Variants in ENOX1 observed in about 807,000 individuals in gnomAD.
ENOX1 encodes the protein ecto-NOX disulfide-thiol exchanger 1, also known as candidate growth-related and time keeping constitutive hydroquinone (NADH) oxidase.
A neutral mutation model predicts 82.5 loss-of-function variants in ENOX1; 42 were observed. The ratio of observed to expected loss-of-function variants is 0.51; its 90% confidence interval spans 0.40 to 0.66. The LOEUF (loss-of-function observed/expected upper bound fraction) is 0.66, where lower values mean the gene tolerates loss of function less well. Ranked by LOEUF, ENOX1 falls within the 30% of genes least tolerant of loss-of-function variation. ENOX1 has a pLI of 0.00. For missense variants in ENOX1, 608 were observed against 811.6 expected, an observed-to-expected ratio of 0.75 and a Z score of 3.05; for synonymous variants, 271 against 282.2, an observed-to-expected ratio of 0.96 and a Z score of 0.40.
intron 1 of ENOX1, among the ~76,000 whole-genome samples, chr13:43,753,616 G>A (rs543045221): frequency 2.6e-5 from 4 of 152,234 alleles, no homozygotes; most frequent in African/African-American, 4.8e-5. Context: ...GGAAAGACAC[G>A]CTGTGGAAAC....
chr13:43,432,587 G>C (rs913608753), intron 3 of ENOX1, among the ~76,000 whole-genome samples: 2 of 152,136 alleles, frequency 1.3e-5, no homozygotes, highest in Non-Finnish European at 2.9e-5. Flanking sequence ...AGGTTGCAGT[G>C]AGCTGAGATT....
chr13:43,377,401 T>A (rs1163330392), intron 5 of ENOX1, among the ~76,000 whole-genome samples: 1 of 152,160 alleles, frequency 6.6e-6, no homozygotes, highest in African/African-American at 2.4e-5. Flanking sequence ...GCCAAATAAA[T>A]CTCTTTTCTT....
chr13:43,311,895 T>C (rs2047222744), intron 11 of ENOX1, among the ~76,000 whole-genome samples: 1 of 152,206 alleles, frequency 6.6e-6, no homozygotes, highest in Admixed American at 6.5e-5. Context: ...AATGGATGGC[T>C]TTAGGAGGCT....
At chr13:43,731,762 C>T (rs530228585) in intron 1 of ENOX1, among the ~76,000 whole-genome samples, 8 of 152,146 alleles carry the variant, frequency 5.3e-5, no homozygotes, top group South Asian at 4.1e-4. Context: ...TATTTTTAAG[C>T]GAAAAAGAAC....
rs1566640944 is a variant in ENOX1 at position 43,616,129 on chromosome 13, TCTATCTATCTAGATATCTATATAG to T, written c.-219+51326_-219+51349del. Reference sequence around the variant, plus strand: ...ATAGATATCTATAGATCTATAGATATCTATCTATCTAGATATCTATATAGATAGATATCTATCTATCTATCTATC... The same window carrying T: ...ATAGATATCTATAGATCTATAGATATATAGATATCTATCTATCTATCTATC... On this transcript the variant is annotated intron_variant, in intron 2 of 16. Coordinates refer to ENST00000690772, the MANE Select transcript of ENOX1 (RefSeq NM_001347969.2). 1.7e-4 allele frequency among the ~76,000 whole-genome samples: 11 copies of T among 63,412 alleles called. 1 individual carries two copies. Among genetic ancestry groups the T allele is most frequent in the South Asian group, 4.3e-4 (1 of 2,348 alleles). 41.6% of individuals were successfully genotyped at this position (63,412 alleles called of 152,430 possible).
At chr13:43,555,570 T>A (rs1197984703) in intron 2 of ENOX1, among the ~76,000 whole-genome samples, 2 of 152,204 alleles carry the variant, frequency 1.3e-5, no homozygotes, top group African/African-American at 2.4e-5. Flanking sequence ...CAGAAGCTAT[T>A]AGCAGGATCA....
intron 5 of ENOX1, among the ~76,000 whole-genome samples, chr13:43,377,494 T>G (rs1323703909): frequency 6.6e-6 from 1 of 152,256 alleles, no homozygotes; most frequent in African/African-American, 2.4e-5. Flanking sequence ...GTGATTGTTT[T>G]GGATCGTTTT....
At chr13:43,446,984 T>C (rs1239791985) in intron 3 of ENOX1, among the ~76,000 whole-genome samples, 1 of 152,198 alleles carries the variant, frequency 6.6e-6, no homozygotes, top group Non-Finnish European at 1.5e-5. Flanking sequence ...TCAAACAGAA[T>C]ACTGGCAAAT....
At chr13:43,285,459 A>C (rs1009462647) in intron 12 of ENOX1, among the ~76,000 whole-genome samples, 2 of 152,152 alleles carry the variant, frequency 1.3e-5, no homozygotes, top group South Asian at 2.1e-4. Context: ...TAAAATGAAA[A>C]AATAAAACAA....
At chr13:43,357,656 C>G (rs1046095347) in intron 7 of ENOX1, among the ~76,000 whole-genome samples, 1 of 152,158 alleles carries the variant, frequency 6.6e-6, no homozygotes, top group South Asian at 2.1e-4. Context: ...GGCCAAGCAC[C>G]TTTCCCCTGC....
intron 12 of ENOX1, among the ~76,000 whole-genome samples, chr13:43,295,961 G>T (rs2046263076): frequency 6.6e-6 from 1 of 152,142 alleles, no homozygotes; most frequent in Non-Finnish European, 1.5e-5. Context: ...GTAGGTTAAA[G>T]AGGCACACCT....
intron 3 of ENOX1, among the ~76,000 whole-genome samples, chr13:43,417,713 G>A (rs1363548360): frequency 2.0e-5 from 3 of 152,132 alleles, no homozygotes; most frequent in Admixed American, 6.5e-5. Flanking sequence ...TACAGTAGGT[G>A]ATAATTATTA....
chr13:43,318,513 A>G (rs1252817109), intron 11 of ENOX1, among the ~76,000 whole-genome samples: 1 of 152,226 alleles, frequency 6.6e-6, no homozygotes, highest in East Asian at 1.9e-4. Flanking sequence ...GCCATGTGAC[A>G]CTGAATTTTG....
At chr13:43,385,062 G>A (rs1040130798) in intron 5 of ENOX1, among the ~76,000 whole-genome samples, 1 of 152,186 alleles carries the variant, frequency 6.6e-6, no homozygotes, top group African/African-American at 2.4e-5. Context: ...GTGGCACTGG[G>A]ATCTAGTGGT....
In ENOX1 at chr13:43,739,804, C is replaced by T. The variant is rs182146119; in HGVS notation, c.-285+46848G>A. On this transcript the variant is annotated intron_variant, in intron 1 of 16. Transcript: ENST00000690772. The stretch of plus-strand genomic sequence containing the variant: ...CATGGGTCTGAACTGCACGGGTCCA[C>T]TTAAACTCAAATTTTCTTCTGCCTC... Among the ~76,000 whole-genome samples, 199 of 152,016 alleles carry T rather than the reference C, an allele frequency of 1.3e-3. 1 individual carries two copies. The highest frequency in any genetic ancestry group is 2.7e-3 in the Admixed American group (41 of 15,248).
At chr13:43,611,470 G>A (rs976488127) in intron 2 of ENOX1, among the ~76,000 whole-genome samples, 9 of 152,124 alleles carry the variant, frequency 5.9e-5, no homozygotes, top group African/African-American at 9.7e-5. Context: ...ATCAAGTCAC[G>A]ACCCATGTAG....
chr13:43,659,061 T>C (rs1174245827), intron 2 of ENOX1, among the ~76,000 whole-genome samples: 1 of 152,212 alleles, frequency 6.6e-6, no homozygotes, highest in Non-Finnish European at 1.5e-5. Flanking sequence ...TTATTTTCTA[T>C]TCTTTCTCTT....
At chr13:43,477,243 TACA>T (rs1343784690) in intron 3 of ENOX1, among the ~76,000 whole-genome samples, 2 of 151,702 alleles carry the variant, frequency 1.3e-5, no homozygotes, top group South Asian at 2.1e-4. Context: ...TGGTATAATA[TACA>T]ACAACCTTAT....
At chr13:43,495,866 T>G (rs571052382) in intron 2 of ENOX1, among the ~76,000 whole-genome samples, 1 of 152,116 alleles carries the variant, frequency 6.6e-6, no homozygotes, top group South Asian at 2.1e-4. Context: ...ATTTTTATCT[T>G]TTTCTTGTGG....
Sources: allele counts gnomAD v4.1 joint callset (sites outside exome capture counted in the v4.1 genomes callset), GRCh38; gene constraint gnomAD v4.1.1; transcripts MANE v1.5; gene names NCBI Gene and HGNC (gene_info 2026-07-23, HGNC 2026-07-21).